KLHL4: variants seen among roughly 807,000 people sequenced by gnomAD.
The protein encoded by KLHL4 is kelch like family member 4.
A neutral mutation model predicts 45.8 loss-of-function variants in KLHL4; 17 were observed. The observed-to-expected ratio is 0.37, with a 90% CI of 0.25 to 0.56. The LOEUF is 0.56. KLHL4 is among the 20% of genes least tolerant of loss of function. KLHL4 has a pLI of 0.79. For synonymous variants in KLHL4, 224 were observed against 189.9 expected (o/e 1.18, Z -1.47); for missense variants, 544 against 544.9 (o/e 1.00, Z 0.02).
At chrX:87,618,671 T>C (rs1479083639) in intron 4 of KLHL4, among the ~76,000 whole-genome samples, 2 of 111,070 alleles carry the variant, frequency 1.8e-5, no homozygotes, top group African/African-American at 6.6e-5. Context: ...CTGCTTTTTT[T>C]TGTATTTTTA....
intron 9 of KLHL4, among the ~76,000 whole-genome samples, chrX:87,657,406 G>A (rs138838096): frequency 0.05 from 5,640 of 111,713 alleles, 379 homozygotes; most frequent in African/African-American, 0.17. Flanking sequence ...GATGGTGGAG[G>A]AGTGATGTAG....
intron 6 of KLHL4, among the ~76,000 whole-genome samples, chrX:87,628,385 G>A (rs1267696685): frequency 1.8e-5 from 2 of 108,750 alleles, no homozygotes; most frequent in African/African-American, 6.8e-5. Flanking sequence ...ACACGTAGTA[G>A]CAAAAAAAAG....
chrX:87,539,292 C>T (rs908560384), intron 1 of KLHL4, among the ~76,000 whole-genome samples: 3 of 110,524 alleles, frequency 2.7e-5, no homozygotes, highest in African/African-American at 9.9e-5. Context: ...AGACATAAAA[C>T]TGTTTTTTTT....
chrX:87,562,904 G>T (rs1932131242), intron 1 of KLHL4, among the ~76,000 whole-genome samples: 1 of 111,248 alleles, frequency 9.0e-6, no homozygotes, highest in Non-Finnish European at 1.9e-5. Flanking sequence ...TCAATTCCAG[G>T]CAGCTCAACA....
rs1022261876 is a variant in KLHL4 at position 87,612,096 on chromosome X, G to T, written c.423-1781G>T. 1.3e-4 allele frequency among the ~76,000 whole-genome samples: 14 copies of T among 111,795 alleles called. 1 individual carries two copies. The Admixed American group carries it at 1.3e-3, about 11-fold the overall frequency. The stretch of plus-strand genomic sequence containing the variant: ...AGTAAAAAAAGTTACAGAAAGCTAT[G>T]ATTAAGTTATTATTAAAGAAAAAGT... On this transcript the variant is annotated intron_variant, in intron 1 of 10. Transcript: ENST00000373119.
At chrX:87,535,367 G>T (rs1402440600) in intron 1 of KLHL4, among the ~76,000 whole-genome samples, 1 of 111,856 alleles carries the variant, frequency 8.9e-6, no homozygotes, top group East Asian at 2.8e-4. Flanking sequence ...ACTAGAAAGT[G>T]CTTAGATTAG....
rs1924316553 is a variant in KLHL4, at chrX:87,664,894, A to G, written c.2056A>G (p.Thr686Ala). Residue 686 changes from threonine to alanine, a missense_variant, in exon 10 of 11, where the codon ACA becomes GCA. Transcript: ENST00000373119. ...GGYDGHTYLN[T>A]VESYDAQRNE... ...ATATGACGGACATACTTATTTGAAC[A>G]CAGTTGAGTCATATGATGCACAGAG... is the stretch of plus-strand genomic sequence containing the variant. 1 of 1,193,388 alleles carries G rather than the reference A, an allele frequency of 8.4e-7. No homozygotes were observed.
intron 1 of KLHL4, among the ~76,000 whole-genome samples, chrX:87,595,497 C>A (rs971462814): frequency 9.0e-6 from 1 of 111,467 alleles, no homozygotes; most frequent in Non-Finnish European, 1.9e-5. Context: ...ACATTGCTTT[C>A]TATATTCTTA....
intron 9 of KLHL4, among the ~76,000 whole-genome samples, chrX:87,642,416 C>G (rs1923493929): frequency 8.9e-6 from 1 of 111,963 alleles, no homozygotes; most frequent in Non-Finnish European, 1.9e-5. Flanking sequence ...CAGACCTTCC[C>G]TCTGACAGAG....
intron 1 of KLHL4, among the ~76,000 whole-genome samples, chrX:87,534,913 A>T (rs1931396845): frequency 8.9e-6 from 1 of 111,993 alleles, no homozygotes; most frequent in Non-Finnish European, 1.9e-5. Flanking sequence ...TTAAATAATC[A>T]CCTTTCAGAA....
intron 1 of KLHL4, among the ~76,000 whole-genome samples, chrX:87,569,803 T>C (rs1340116376): frequency 1.8e-5 from 2 of 111,455 alleles, no homozygotes; most frequent in Non-Finnish European, 3.8e-5. Flanking sequence ...AGATCAATGG[T>C]TGCTGAAGGA....
rs772071146 is a variant in KLHL4, at chrX:87,611,037, G to C, written c.423-2840G>C. Among the ~76,000 whole-genome samples the C allele has an allele frequency of 7.2e-5, 8 of 111,016 alleles. No individual in the cohort carries two copies. The South Asian group carries it at 2.7e-3, about 37-fold the overall frequency. On this transcript the variant is annotated intron_variant, in intron 1 of 10. Transcript: ENST00000373119. ...TGCAGTGAGCCAAGATCAGGCCATT[G>C]CCCTCCAGCCTGGGCAACACAGCGA...
chrX:87,635,756 C>T lies in KLHL4; in HGVS notation c.1906C>T (p.Leu636Phe). ...DAPASNHCSR[L>F]SDCVERYDPK... is the part of the protein sequence containing the mutation. Reference sequence around the variant, plus strand: ...CCCTGCTTCCAACCATTGCTCCAGGCTTTCTGACTGTGTGGAACGGTAAGT... The same window carrying T: ...CCCTGCTTCCAACCATTGCTCCAGGTTTTCTGACTGTGTGGAACGGTAAGT... The change falls in exon 9 of 11, where the codon CTT (leucine) becomes TTT (phenylalanine). Residue 636 changes from leucine (L) to phenylalanine (F), a missense_variant. Physicochemically the swap from Leu to Phe is conservative, Grantham distance 22 (BLOSUM62 0). Coordinates refer to ENST00000373119, the MANE Select transcript of KLHL4 (RefSeq NM_019117.5). 8.4e-7 allele frequency: 1 copy of T among 1,186,978 alleles called. No individual in the cohort carries two copies. Among genetic ancestry groups the T allele is most frequent in the Non-Finnish European group, 1.1e-6 (1 of 878,904 alleles).
chrX:87,658,612 C>T (rs1462103888), intron 9 of KLHL4, among the ~76,000 whole-genome samples: 2 of 111,458 alleles, frequency 1.8e-5, no homozygotes, highest in African/African-American at 6.5e-5. Context: ...GGGACTCACT[C>T]TCAATTTTCC....
At chrX:87,521,676 A>G (rs755019633) in intron 1 of KLHL4, among the ~76,000 whole-genome samples, 16 of 112,256 alleles carry the variant, frequency 1.4e-4, no homozygotes, top group Non-Finnish European at 3.0e-4. Flanking sequence ...CAAGAATTTG[A>G]AGCAAATGAG....
intron 9 of KLHL4, among the ~76,000 whole-genome samples, chrX:87,642,761 G>T (rs1166515661): frequency 1.8e-5 from 2 of 112,140 alleles, no homozygotes; most frequent in Non-Finnish European, 3.8e-5. Flanking sequence ...AAATGCCCTG[G>T]AAAGTCTCAG....
At chrX:87,546,909 C>T (rs938352087) in intron 1 of KLHL4, among the ~76,000 whole-genome samples, 32 of 112,740 alleles carry the variant, frequency 2.8e-4, no homozygotes, top group African/African-American at 1.0e-3. Context: ...CAATTTCTTC[C>T]ATTTGCAAGG....
intron 1 of KLHL4, among the ~76,000 whole-genome samples, chrX:87,568,383 C>CTTTTTTTTTTTTTTT (rs756469573): frequency 5.4e-4 from 32 of 59,218 alleles, no homozygotes; most frequent in African/African-American, 2.0e-3. Context: ...TTTTTCTTTT[C>CTTTTTTTTTTTTTTT]TTTTTTTCTT....
intron 9 of KLHL4, among the ~76,000 whole-genome samples, chrX:87,637,957 A>G (rs73232435): frequency 0.016 from 1,755 of 111,429 alleles, 17 homozygotes; most frequent in Non-Finnish European, 0.02. Flanking sequence ...GAAAAAATAA[A>G]TAAATAAATA....
Sources: gnomAD v4.1 joint callset for allele counts (sites outside exome capture counted in the v4.1 genomes callset) on GRCh38, gnomAD v4.1.1 for gene constraint, MANE v1.5 for transcripts, NCBI Gene and HGNC (gene_info 2026-07-23, HGNC 2026-07-21) for gene names.